The following MAOA variants were observed in gnomAD, a reference collection of about 807,000 sequenced individuals.
MAOA encodes the protein amine oxidase [flavin-containing] A.
Under a neutral mutation model 42.0 loss-of-function variants are expected in MAOA, and 6 were observed. The observed-to-expected ratio is 0.14, with a 90% CI of 0.08 to 0.28. The LOEUF (loss-of-function observed/expected upper bound fraction) is 0.28, where lower values mean the gene tolerates loss of function less well. Among genes scored for constraint, MAOA ranks in the 10% least tolerant of loss-of-function variants. The pLI is 1.00. For synonymous variants in MAOA, 140 were observed against 154.0 expected (o/e 0.91, Z 0.67); for missense variants, 262 against 422.3 (o/e 0.62, Z 3.33).
chrX:43,740,190 G>A (rs1021503790), intron 10 of MAOA, among the ~76,000 whole-genome samples: 2 of 111,729 alleles, frequency 1.8e-5, no homozygotes, highest in South Asian at 3.7e-4. Context: ...CATATCTTAT[G>A]TTATGCTTAA....
At chrX:43,667,857 C>T (rs887854000) in intron 1 of MAOA, among the ~76,000 whole-genome samples, 2 of 111,721 alleles carry the variant, frequency 1.8e-5, no homozygotes, top group African/African-American at 6.5e-5. Flanking sequence ...CTACAATGGG[C>T]CTATACTATA....
rs777287576 is a variant in MAOA, at chrX:43,742,087, G to A, written c.1262+40G>A. ...CTACGCCAATTAATCCAAGACCTGT[G>A]CCAAATTTAAAAGGAAAAGCAGAGT... On this transcript the variant is annotated intron_variant, in intron 12 of 14. Transcript: ENST00000338702. The A allele has an allele frequency of 4.1e-6, 5 of 1,206,351 alleles. No individual in the cohort carries two copies. In the East Asian group the frequency reaches 1.5e-4, roughly 36 times the overall value.
intron 3 of MAOA, among the ~76,000 whole-genome samples, chrX:43,707,797 C>T (rs1386340376): frequency 8.9e-6 from 1 of 111,774 alleles, no homozygotes; most frequent in Non-Finnish European, 1.9e-5. Context: ...TGGAAGATAA[C>T]TCTTTTATTT....
intron 4 of MAOA, 101 bp from the exon 5 acceptor site, chrX:43,712,604 C>T (rs984267475): frequency 4.0e-5 from 22 of 550,735 alleles, no homozygotes; most frequent in Non-Finnish European, 7.1e-5. Flanking sequence ...CATTTCAACA[C>T]AGAGACCAAG....
At chrX:43,699,230 T>A (rs1450026555) in intron 3 of MAOA, among the ~76,000 whole-genome samples, 2 of 112,255 alleles carry the variant, frequency 1.8e-5, no homozygotes, top group Non-Finnish European at 1.9e-5. Flanking sequence ...AGTGGATTGA[T>A]TCATTACTTG....
chrX:43,687,947 A>G (rs1490897096), intron 2 of MAOA, among the ~76,000 whole-genome samples: 1 of 112,881 alleles, frequency 8.9e-6, no homozygotes, highest in Non-Finnish European at 1.9e-5. Context: ...AGATTACTAG[A>G]GTAGGCTCCT....
chrX:43,662,749 C>T (rs1370786053), intron 1 of MAOA, among the ~76,000 whole-genome samples: 1 of 110,256 alleles, frequency 9.1e-6, no homozygotes, highest in African/African-American at 3.3e-5. Flanking sequence ...GTGTAGACAC[C>T]CGATAAATAG....
chrX:43,741,821 A>G, intron 11 of MAOA, 129 bp from the exon 12 acceptor site: 3 of 1,112,137 alleles, frequency 2.7e-6, no homozygotes, highest in Non-Finnish European at 3.6e-6. Context: ...TTTCCCCTTA[A>G]GTGAGTTAGA....
chrX:43,725,454 G>A (rs962258863), intron 5 of MAOA, among the ~76,000 whole-genome samples: 11 of 109,656 alleles, frequency 1.0e-4, no homozygotes, highest in East Asian at 2.8e-4. Context: ...ACCTTTGTTC[G>A]TTTAAAGTCT....
intron 3 of MAOA, among the ~76,000 whole-genome samples, chrX:43,702,531 T>C (rs2033631831): frequency 8.9e-6 from 1 of 111,979 alleles, no homozygotes; most frequent in Admixed American, 9.5e-5. Flanking sequence ...TTCATTTTAG[T>C]TTTTGCTTTG....
chrX:43,736,601 A>G (rs1465772339), intron 10 of MAOA, among the ~76,000 whole-genome samples: 2 of 112,107 alleles, frequency 1.8e-5, no homozygotes, highest in Non-Finnish European at 3.8e-5. Flanking sequence ...TTTCAAGGCC[A>G]TAATCTTTTT....
chrX:43,689,249 T>C (rs1328941132), intron 2 of MAOA, among the ~76,000 whole-genome samples: 1 of 111,694 alleles, frequency 9.0e-6, no homozygotes, highest in Non-Finnish European at 1.9e-5. Flanking sequence ...CAACTAATTT[T>C]TGCATTTTTA....
intron 2 of MAOA, among the ~76,000 whole-genome samples, chrX:43,688,403 C>T (rs1406186785): frequency 8.9e-6 from 1 of 112,021 alleles, no homozygotes; most frequent in Non-Finnish European, 1.9e-5. Flanking sequence ...GCCTCAGCCT[C>T]CTGAGTAGCT....
At position 43,702,367 on chromosome X, in the gene MAOA, G is replaced by T. The variant is rs961346401; in HGVS notation, c.306+8939G>T. Among the ~76,000 whole-genome samples, 15 of 112,137 alleles carry T rather than the reference G, an allele frequency of 1.3e-4. 1 individual carries two copies. Among genetic ancestry groups the T allele is most frequent in the African/African-American group, 4.5e-4 (14 of 30,855 alleles). On this transcript the variant is annotated intron_variant, in intron 3 of 14. Coordinates refer to ENST00000338702, the MANE Select transcript of MAOA (RefSeq NM_000240.4). ...AGTTATAATAATGAGAGTGGTTCAA[G>T]GTCCTACAGAAGTGAGAGAGAAAGA...
intron 1 of MAOA, among the ~76,000 whole-genome samples, chrX:43,682,579 C>T (rs1368264368): frequency 9.0e-6 from 1 of 111,703 alleles, no homozygotes; most frequent in East Asian, 2.8e-4. Flanking sequence ...TTGAAAAAGT[C>T]AGTAAGTGAG....
chrX:43,676,738 C>T (rs1467874331), intron 1 of MAOA, among the ~76,000 whole-genome samples: 1 of 109,499 alleles, frequency 9.1e-6, no homozygotes, highest in Non-Finnish European at 1.9e-5. Flanking sequence ...ACCCTATTTT[C>T]GTGTAGGCTT....
intron 14 of MAOA, 45 bp downstream of exon 14, chrX:43,744,216 T>C (rs771642294): frequency 1.7e-6 from 2 of 1,159,726 alleles, no homozygotes; most frequent in Non-Finnish European, 2.4e-6. Context: ...AGACCAATCA[T>C]GGAACATAAA....
intron 5 of MAOA, among the ~76,000 whole-genome samples, chrX:43,726,434 A>G (rs2033835842): frequency 8.9e-6 from 1 of 111,853 alleles, no homozygotes; most frequent in Non-Finnish European, 1.9e-5. Flanking sequence ...ATCTTCAATT[A>G]CTGATATCCT....
At chrX:43,689,195 T>C (rs1403044225) in intron 2 of MAOA, among the ~76,000 whole-genome samples, 2 of 111,820 alleles carry the variant, frequency 1.8e-5, no homozygotes, top group East Asian at 5.6e-4. Context: ...TTCTCCTGCC[T>C]CAGCCTCCCC....
Sources: gnomAD v4.1 joint callset for allele counts (sites outside exome capture counted in the v4.1 genomes callset) on GRCh38, gnomAD v4.1.1 for gene constraint, MANE v1.5 for transcripts, NCBI Gene and HGNC (gene_info 2026-07-23, HGNC 2026-07-21) for gene names.